Variants in PPIP5K2 observed in about 807,000 individuals in gnomAD.
PPIP5K2 encodes the protein diphosphoinositol pentakisphosphate kinase 2.
Under a neutral mutation model 154.6 loss-of-function variants are expected in PPIP5K2, and 105 were observed. The observed-to-expected ratio is 0.68, with a 90% CI of 0.58 to 0.80. The LOEUF (loss-of-function observed/expected upper bound fraction) is 0.80, where lower values mean the gene tolerates loss of function less well. Ranked by LOEUF, PPIP5K2 falls within the 30% of genes least tolerant of loss-of-function variation. PPIP5K2 has a pLI of 0.00. For synonymous variants in PPIP5K2, 480 were observed against 490.3 expected (o/e 0.98, Z 0.28); for missense variants, 992 against 1,504.6 (o/e 0.66, Z 5.64).
In PPIP5K2 at chr5:103,204,335, C is replaced by CCTAG. The variant is rs138046637; in HGVS notation, c.*2701_*2702insCTAG. 35,576 of 151,878 alleles carry CCTAG rather than the reference C, an allele frequency of 0.23. 4,969 individuals carry two copies. Among genetic ancestry groups the CCTAG allele is most frequent in the East Asian group, 0.45 (2,301 of 5,152 alleles). The allele number at this position is 151,878 out of a possible 1,614,324, so 9.4% of individuals were successfully genotyped here. On this transcript the variant is annotated 3_prime_UTR_variant, in exon 31 of 31. Coordinates refer to ENST00000358359, the MANE Select transcript of PPIP5K2 (RefSeq NM_001276277.3). ...CTGGACAGTGTAGACTGCCTATATT[C>CCTAG]TTAGTTGGGGTTGGGATCTCTTCTC...
chr5:103,191,042 G>C, intron 29 of PPIP5K2, 60 bp downstream of exon 29: 1 of 1,485,552 alleles, frequency 6.7e-7, no homozygotes, highest in Non-Finnish European at 9.2e-7. Flanking sequence ...TACTATCTGA[G>C]TATAACAGGA....
chr5:103,144,991 A>G (rs558745117), intron 5 of PPIP5K2, among the ~76,000 whole-genome samples: 1 of 152,278 alleles, frequency 6.6e-6, no homozygotes, highest in African/African-American at 2.4e-5. Context: ...ATGGGAGAAG[A>G]TATTTGTAAA....
chr5:103,190,495 T>C (rs926350126), intron 28 of PPIP5K2, among the ~76,000 whole-genome samples: 1 of 152,040 alleles, frequency 6.6e-6, no homozygotes, highest in Non-Finnish European at 1.5e-5. Context: ...TTTATTCACC[T>C]ATTGAATAGA....
intron 17 of PPIP5K2, among the ~76,000 whole-genome samples, chr5:103,163,838 T>C (rs1234297101): frequency 6.6e-6 from 1 of 152,004 alleles, no homozygotes; most frequent in Non-Finnish European, 1.5e-5. Context: ...TTCTTTCATA[T>C]CACTGATTTT....
chr5:103,180,196 T>C lies in PPIP5K2; in HGVS notation c.2922+8T>C, dbSNP rs201309266. ...AAGACGGCTACAAATGATGTAAGTATATGTATCAGAACACATTTTTCATAC... is the reference window on the plus strand; with the variant it reads ...AAGACGGCTACAAATGATGTAAGTACATGTATCAGAACACATTTTTCATAC... On this transcript the variant is annotated splice_region_variant and intron_variant, in intron 24 of 30. Transcript: ENST00000358359. 14 of 1,573,990 alleles carry C rather than the reference T, an allele frequency of 8.9e-6. No individual in the cohort carries two copies. The highest frequency in any genetic ancestry group is 8.6e-7 in the Non-Finnish European group (1 of 1,164,898).
chr5:103,190,714 G>C (rs577261918), intron 28 of PPIP5K2, 128 bp from the exon 29 acceptor site: 1 of 683,672 alleles, frequency 1.5e-6, no homozygotes, highest in African/African-American at 1.9e-5. Flanking sequence ...CAGAGATATT[G>C]TGTGTTTGCA....
At chr5:103,129,797 G>A in intron 2 of PPIP5K2, 94 bp downstream of exon 2, 2 of 1,384,294 alleles carry the variant, frequency 1.4e-6, no homozygotes, top group Non-Finnish European at 9.4e-7. Context: ...GAAAATTTTT[G>A]AACTGAAAAA....
At chr5:103,175,958 TA>T (rs1262842072) in intron 21 of PPIP5K2, among the ~76,000 whole-genome samples, 1 of 152,148 alleles carries the variant, frequency 6.6e-6, no homozygotes, top group Non-Finnish European at 1.5e-5. Context: ...CAACTCTTAT[TA>T]TCCTTGTAAG....
At chr5:103,184,625 A>C (rs1554224200) in intron 25 of PPIP5K2, 47 bp from the exon 26 acceptor site, 1 of 1,455,502 alleles carries the variant, frequency 6.9e-7, no homozygotes, top group Non-Finnish European at 9.6e-7. Flanking sequence ...TAGACTTATG[A>C]ATTTATTTTA....
chr5:103,159,170 C>A lies in PPIP5K2; in HGVS notation c.1762C>A (p.Leu588Ile). Residue 588 changes from leucine to isoleucine, a missense_variant, in exon 17 of 31, where the codon CTT becomes ATT. Leu to Ile is a conservative substitution (Grantham distance 5). This residue lies in a region of PPIP5K2 where 22 missense variants were observed against 95.5 expected (regional missense o/e 0.23). Coordinates refer to ENST00000358359, the MANE Select transcript of PPIP5K2 (RefSeq NM_001276277.3). The stretch of plus-strand genomic sequence containing the variant: ...GGGGCTTTTAGCTTTGGAAGGAGAG[C>A]TTACACCCATTCTTGTTCAAATGGT... ...AKGLLALEGE[L>I]TPILVQMVKS... The A allele has an allele frequency of 6.2e-7, 1 of 1,602,984 alleles. No individual in the cohort carries two copies. Among genetic ancestry groups the A allele is most frequent in the South Asian group, 1.1e-5 (1 of 89,436 alleles).
chr5:103,129,729 G>A (rs200899620), intron 2 of PPIP5K2, 26 bp downstream of exon 2: 12 of 1,582,660 alleles, frequency 7.6e-6, no homozygotes, highest in East Asian at 2.3e-5. Flanking sequence ...TTCCTTTGGC[G>A]AGAGAAGACC....
At position 103,210,489 on chromosome 5, in the gene PPIP5K2, C is replaced by A. The variant is rs1562533087; in HGVS notation, c.*8855C>A. 3 of 151,982 alleles carry A rather than the reference C, an allele frequency of 2.0e-5. No homozygotes were observed. Among genetic ancestry groups the A allele is most frequent in the Admixed American group, 2.0e-4 (3 of 15,268 alleles). 9.4% of individuals were successfully genotyped at this position (151,982 alleles called of 1,614,324 possible). A position where few individuals can be genotyped will look rare whatever the true frequency, so the allele number is the denominator to read the frequency against. On this transcript the variant is annotated 3_prime_UTR_variant, in exon 31 of 31. Transcript: ENST00000358359. ...CTGCTCTAATGGATAGAATAAGGAG[C>A]TGGGAGAAAGGAGACCTGGGTATTA...
rs782684171 is a variant in PPIP5K2, at chr5:103,201,784, GA to G, written c.*153del. ...GGTAAGGAACTGTTGTCATGATCTG[GA>G]AATGTTTAAAACAATGTTTGTTAGC... On this transcript the variant is annotated 3_prime_UTR_variant, in exon 31 of 31. Coordinates refer to ENST00000358359, the MANE Select transcript of PPIP5K2 (RefSeq NM_001276277.3). 5 of 606,450 alleles carry G rather than the reference GA, an allele frequency of 8.2e-6. No homozygotes were observed. The highest frequency in any genetic ancestry group is 1.9e-5 in the African/African-American group (1 of 51,628). The allele number at this position is 606,450 out of a possible 1,614,324, so 37.6% of individuals were successfully genotyped here.
At chr5:103,139,702 C>T (rs1055946253) in intron 5 of PPIP5K2, among the ~76,000 whole-genome samples, 13 of 152,120 alleles carry the variant, frequency 8.5e-5, no homozygotes, top group Admixed American at 2.6e-4. Context: ...AGTTACCAAT[C>T]CTGGAGTGAT....
chr5:103,199,983 T>C (rs1170632759), intron 30 of PPIP5K2, among the ~76,000 whole-genome samples: 2 of 152,222 alleles, frequency 1.3e-5, no homozygotes, highest in African/African-American at 4.8e-5. Flanking sequence ...TGTTTCTTAG[T>C]ATATTAATTT....
At chr5:103,137,401 A>G (rs1791712397) in intron 4 of PPIP5K2, among the ~76,000 whole-genome samples, 1 of 152,078 alleles carries the variant, frequency 6.6e-6, no homozygotes, top group Non-Finnish European at 1.5e-5. Context: ...TGACCTTGTG[A>G]TCCGCCTGCC....
Position 103,201,722 on chromosome 5 carries a change from A to G in PPIP5K2, c.*88A>G, listed in dbSNP as rs1162322197. 15 of 944,656 alleles carry G rather than the reference A, an allele frequency of 1.6e-5. No homozygotes were observed. The highest frequency in any genetic ancestry group is 2.4e-5 in the Non-Finnish European group (15 of 635,892). 58.5% of individuals were successfully genotyped at this position (944,656 alleles called of 1,614,324 possible). A position where few individuals can be genotyped will look rare whatever the true frequency, so the allele number is the denominator to read the frequency against. ...TATGCATTTATGTGTTCACTTAAAA[A>G]TGTTTTTAAATCTAAGGTTTTCTTT... On this transcript the variant is annotated 3_prime_UTR_variant, in exon 31 of 31. Coordinates refer to ENST00000358359, the MANE Select transcript of PPIP5K2 (RefSeq NM_001276277.3).
chr5:103,167,158 A>T, intron 17 of PPIP5K2, 21 bp from the exon 18 acceptor site: 1 of 1,494,684 alleles, frequency 6.7e-7, no homozygotes, highest in Non-Finnish European at 9.0e-7. Flanking sequence ...GATATAAAAT[A>T]TATACTTTAC....
intron 7 of PPIP5K2, 165 bp downstream of exon 7, chr5:103,148,197 C>T: frequency 1.5e-6 from 1 of 677,160 alleles, no homozygotes; most frequent in Non-Finnish European, 2.7e-6. Flanking sequence ...CAGTCTGAAG[C>T]CTATGGACTC....
Sources: allele counts gnomAD v4.1 joint callset (sites outside exome capture counted in the v4.1 genomes callset), GRCh38; gene constraint gnomAD v4.1.1; regional missense constraint gnomAD v4.1.1; transcripts MANE v1.5; gene names NCBI Gene and HGNC (gene_info 2026-07-23, HGNC 2026-07-21).